TCHP: variants seen among roughly 807,000 people sequenced by gnomAD.
TCHP encodes trichoplein keratin filament binding, also known as trichoplein keratin filament-binding protein.
In TCHP, 81 loss-of-function variants were observed where a neutral mutation model predicts 88.7. The observed-to-expected ratio is 0.91, with a 90% CI of 0.76 to 1.10. The LOEUF (loss-of-function observed/expected upper bound fraction) is 1.10, where lower values mean the gene tolerates loss of function less well. Among genes scored for constraint, TCHP ranks in the 50% least tolerant of loss-of-function variants. TCHP has a pLI of 0.00. For synonymous variants in TCHP, 232 were observed against 232.5 expected (o/e 1.00, Z 0.02); for missense variants, 641 against 632.1 (o/e 1.01, Z -0.15).
intron 7 of TCHP, 82 bp from the exon 8 acceptor site, chr12:109,908,789 G>A: frequency 6.4e-7 from 1 of 1,570,406 alleles, no homozygotes; most frequent in Admixed American, 1.7e-5. Context: ...CCATAAAGGA[G>A]ACAGCCTGGT....
chr12:109,897,349 G>A (rs1285012869), upstream of TCHP, among the ~76,000 whole-genome samples: 2 of 152,166 alleles, frequency 1.3e-5, no homozygotes, highest in African/African-American at 4.8e-5. Flanking sequence ...AGGCTTCCAG[G>A]ATCAGGCCAC....
At chr12:109,889,309 T>C in the TCHP span, among the ~76,000 whole-genome samples, 1 of 151,994 alleles carries the variant, frequency 6.6e-6, no homozygotes, top group Non-Finnish European at 1.5e-5. Context: ...CCGTCTCTAC[T>C]AAAAATACAA....
chr12:109,907,003 A>G (rs1410068580), intron 5 of TCHP, among the ~76,000 whole-genome samples: 1 of 151,954 alleles, frequency 6.6e-6, no homozygotes, highest in Non-Finnish European at 1.5e-5. Flanking sequence ...AGTCCTCCTA[A>G]CTCAGCCTCC....
intron 12 of TCHP, 52 bp downstream of exon 12, chr12:109,915,598 G>A (rs779951331): frequency 1.7e-5 from 26 of 1,552,070 alleles, no homozygotes; most frequent in East Asian, 4.6e-5. Flanking sequence ...GACTCTGCCC[G>A]GCCCCTGCTC....
At chr12:109,885,083 C>T in the TCHP span, among the ~76,000 whole-genome samples, 1 of 152,220 alleles carries the variant, frequency 6.6e-6, no homozygotes, top group Non-Finnish European at 1.5e-5. Flanking sequence ...ATTCTCCTGC[C>T]TCAGCCTCCC....
upstream of TCHP, among the ~76,000 whole-genome samples, chr12:109,898,801 T>G (rs1452805666): frequency 2.0e-5 from 3 of 152,210 alleles, no homozygotes; most frequent in Non-Finnish European, 2.9e-5. Flanking sequence ...CTAATTTTAT[T>G]TATTTATTTA....
At chr12:109,895,473 CCAAA>C (rs532306360), upstream of TCHP, among the ~76,000 whole-genome samples, 223 of 152,118 alleles carry the variant, frequency 1.5e-3, no homozygotes, top group Non-Finnish European at 2.2e-3. Flanking sequence ...CCTCGGCCTC[CCAAA>C]CAAAGTGTTG....
intron 8 of TCHP, 104 bp from the exon 9 acceptor site, chr12:109,910,959 G>GA: frequency 7.2e-7 from 1 of 1,398,248 alleles, no homozygotes; most frequent in Non-Finnish European, 9.3e-7. Context: ...GTAGAATCAC[G>GA]AATGTCTATG....
At chr12:109,911,426 A>G (rs549125561) in intron 9 of TCHP, among the ~76,000 whole-genome samples, 191 bp downstream of exon 9, 4 of 152,044 alleles carry the variant, frequency 2.6e-5, no homozygotes, top group Non-Finnish European at 5.9e-5. Context: ...AGCCTGGGCA[A>G]CATGGCAAAA....
Position 109,903,759 on chromosome 12 carries a change from AAAC to A in TCHP, c.189-175_189-173del, listed in dbSNP as rs1008356091. ...CATTTATACATTTTCTTTTTGCAAAAAACAAGATTTTCTCTTACACATACTATT... is the reference window on the plus strand; with the variant it reads ...CATTTATACATTTTCTTTTTGCAAAAAAGATTTTCTCTTACACATACTATT... On this transcript the variant is annotated intron_variant, in intron 2 of 12. Coordinates refer to ENST00000405876, the MANE Select transcript of TCHP (RefSeq NM_001143852.2). The surrounding 1 kb of genome is among the most constrained non-coding windows in gnomAD (Gnocchi z 4.6). Among the ~76,000 whole-genome samples, 15 of 152,160 alleles carry A rather than the reference AAAC, an allele frequency of 9.9e-5. No homozygotes were observed. The highest frequency in any genetic ancestry group is 3.6e-4 in the African/African-American group (15 of 41,442).
upstream of TCHP, chr12:109,900,235 C>A (rs1034224516): frequency 6.6e-6 from 1 of 152,286 alleles, no homozygotes; most frequent in Non-Finnish European, 1.5e-5. Flanking sequence ...AACACAGGCT[C>A]CCTACGCGCT....
At chr12:109,882,526 G>C in the TCHP span, among the ~76,000 whole-genome samples, 1 of 151,908 alleles carries the variant, frequency 6.6e-6, no homozygotes, top group African/African-American at 2.4e-5. Context: ...CGGGGGGCCA[G>C]GGGAGGAAAT....
Position 109,905,898 on chromosome 12 carries a change from T to C in TCHP, c.457-674T>C, listed in dbSNP as rs924312463. On this transcript the variant is annotated intron_variant, in intron 4 of 12. Coordinates refer to ENST00000405876, the MANE Select transcript of TCHP (RefSeq NM_001143852.2). This position sits in a 1 kb window ranked among gnomAD's most constrained non-coding sequence, Gnocchi z 4.0. ...AAAACTTTTTTATAGAGACAGGGTC[T>C]CCCTGTGTTGCTCAGGCTGGTCTCA... Among the ~76,000 whole-genome samples, 4 of 152,328 alleles carry C rather than the reference T, an allele frequency of 2.6e-5. No individual in the cohort carries two copies. Among genetic ancestry groups the C allele is most frequent in the African/African-American group, 9.6e-5 (4 of 41,580 alleles).
At chr12:109,896,154 C>T (rs1417728091), upstream of TCHP, among the ~76,000 whole-genome samples, 1 of 152,110 alleles carries the variant, frequency 6.6e-6, no homozygotes, top group East Asian at 1.9e-4. Flanking sequence ...ACCATGTTGC[C>T]CAGGCTGGTC....
chr12:109,885,683 G>A, the TCHP span, among the ~76,000 whole-genome samples: 5 of 151,666 alleles, frequency 3.3e-5, no homozygotes, highest in Admixed American at 6.6e-5. Flanking sequence ...GGGTTTCACC[G>A]TGTTAGCCAG....
At chr12:109,897,630 G>A (rs1385395739), upstream of TCHP, among the ~76,000 whole-genome samples, 2 of 150,290 alleles carry the variant, frequency 1.3e-5, no homozygotes, top group Non-Finnish European at 3.0e-5. Flanking sequence ...GTCAGATCTC[G>A]GCTCACTGCA....
At chr12:109,897,145 T>G (rs938811669), upstream of TCHP, among the ~76,000 whole-genome samples, 1 of 152,182 alleles carries the variant, frequency 6.6e-6, no homozygotes, top group Non-Finnish European at 1.5e-5. Context: ...GAGGCTTAGT[T>G]TAGGCAATTC....
chr12:109,897,035 G>A (rs537509901), upstream of TCHP, among the ~76,000 whole-genome samples: 1 of 152,328 alleles, frequency 6.6e-6, no homozygotes, highest in Admixed American at 6.5e-5. Context: ...TTGTGTTGCA[G>A]CAAGAGGGCT....
At chr12:109,888,783 C>T in the TCHP span, among the ~76,000 whole-genome samples, 8 of 152,162 alleles carry the variant, frequency 5.3e-5, no homozygotes, top group African/African-American at 1.9e-4. Context: ...TGTCAGTTTC[C>T]TGTGGCTGCT....
Sources: gnomAD v4.1 joint callset for allele counts (sites outside exome capture counted in the v4.1 genomes callset) on GRCh38, gnomAD v4.1.1 for gene constraint, Gnocchi (gnomAD v3.1) non-coding constraint, MANE v1.5 for transcripts, NCBI Gene and HGNC (gene_info 2026-07-23, HGNC 2026-07-21) for gene names.